WDR19: variants seen among roughly 807,000 people sequenced by gnomAD.
The protein encoded by WDR19 is WD repeat domain 19.
In WDR19, 121 loss-of-function variants were observed where a neutral mutation model predicts 180.0. That is an observed-to-expected ratio of 0.67 (90% CI 0.58 to 0.78). WDR19 has a LOEUF of 0.78. WDR19 is among the 30% of genes least tolerant of loss of function. The pLI is 0.00. For synonymous variants in WDR19, 497 were observed against 540.7 expected (o/e 0.92, Z 1.12); for missense variants, 1,450 against 1,640.7 (o/e 0.88, Z 2.01).
chr4:39,261,532 C>A (rs1228665979), intron 28 of WDR19, among the ~76,000 whole-genome samples: 3 of 152,166 alleles, frequency 2.0e-5, no homozygotes, highest in African/African-American at 7.2e-5. Flanking sequence ...GTTCAAGTGT[C>A]CATTGCAGGT....
chr4:39,228,645 C>A lies in WDR19; in HGVS notation c.1937C>A (p.Pro646His). The change falls in exon 17 of 37, where the codon CCT (proline) becomes CAT (histidine). Residue 646 changes from proline (P) to histidine (H), a missense_variant. Transcript: ENST00000399820. ...CTCAGCAACTTAAAAGATACGGGGC[C>A]TGACGAACTGAGACCAATGCTGGCA... ...GFLSNLKDTG[P>H]DELRPMLAQN... 1 of 1,610,842 alleles carries A rather than the reference C, an allele frequency of 6.2e-7. No homozygotes were observed. Among genetic ancestry groups the A allele is most frequent in the South Asian group, 1.1e-5 (1 of 90,192 alleles).
At chr4:39,276,245 T>C (rs1305874211) in intron 33 of WDR19, among the ~76,000 whole-genome samples, 2 of 151,958 alleles carry the variant, frequency 1.3e-5, no homozygotes, top group African/African-American at 4.8e-5. Flanking sequence ...TGGATGGGAG[T>C]ACATAGAATA....
At position 39,199,606 on chromosome 4, in the gene WDR19, C is replaced by T. The variant is rs374417243; in HGVS notation, c.522+13C>T. On this transcript the variant is annotated intron_variant, in intron 6 of 36. Coordinates refer to ENST00000399820, the MANE Select transcript of WDR19 (RefSeq NM_025132.4). ...CACGATAAGACAGGTAATACAGTAA[C>T]GTCTCTTTGGTCTGATATATTCAAG... The T allele has an allele frequency of 1.1e-4, 173 of 1,586,996 alleles. No homozygotes were observed. Among genetic ancestry groups the T allele is most frequent in the Non-Finnish European group, 1.4e-4 (160 of 1,156,596 alleles).
At chr4:39,206,708 C>T (rs2109303737) in intron 9 of WDR19, among the ~76,000 whole-genome samples, 1 of 152,208 alleles carries the variant, frequency 6.6e-6, no homozygotes, top group Non-Finnish European at 1.5e-5. Context: ...TACCAAAGAC[C>T]CTGTGAACTG....
chr4:39,215,741 A>C, intron 10 of WDR19, 100 bp from the exon 11 acceptor site: 1 of 1,255,254 alleles, frequency 8.0e-7, no homozygotes. Context: ...AAAATATTTG[A>C]AAATTGTTAT....
chr4:39,258,342 G>A (rs980783469), intron 28 of WDR19, among the ~76,000 whole-genome samples: 2 of 152,008 alleles, frequency 1.3e-5, no homozygotes, highest in Non-Finnish European at 2.9e-5. Context: ...TAGTAGAGAC[G>A]GGGTTTCACC....
intron 20 of WDR19, among the ~76,000 whole-genome samples, chr4:39,235,467 T>C (rs1382117920): frequency 6.6e-6 from 1 of 152,154 alleles, no homozygotes; most frequent in Non-Finnish European, 1.5e-5. Context: ...CATCAACAAC[T>C]ATGCATAGCA....
Position 39,266,089 on chromosome 4 carries a change from G to C in WDR19, c.3210G>C (p.Leu1070=), listed in dbSNP as rs766750418. The C allele has an allele frequency of 2.6e-6, 4 of 1,559,422 alleles. No individual in the cohort carries two copies. Among genetic ancestry groups the C allele is most frequent in the Non-Finnish European group, 3.5e-6 (4 of 1,151,216 alleles). Residue 1070 remains leucine (L), a synonymous_variant, in exon 29 of 37, where the codon CTG becomes CTC. Coordinates refer to ENST00000399820, the MANE Select transcript of WDR19 (RefSeq NM_025132.4). ...TTGGTCAGGCCAAAGATGAACTGCTGACCAATCAGCTGATAGACCATCTCC... is the reference window on the plus strand; with the variant it reads ...TTGGTCAGGCCAAAGATGAACTGCTCACCAATCAGCTGATAGACCATCTCC... ...ETVGQAKDEL[L]TNQLIDHLLG...
At chr4:39,187,374 T>C (rs1280596643) in intron 3 of WDR19, among the ~76,000 whole-genome samples, 2 of 148,690 alleles carry the variant, frequency 1.3e-5, no homozygotes, top group Non-Finnish European at 3.0e-5. Flanking sequence ...GAGCCGAGAT[T>C]GCGCTACTGT....
intron 25 of WDR19, 72 bp from the exon 26 acceptor site, chr4:39,253,834 C>T: frequency 7.5e-7 from 1 of 1,329,668 alleles, no homozygotes; most frequent in Non-Finnish European, 1.0e-6. Flanking sequence ...TAAATGGTTT[C>T]TCCTGGTTGA....
intron 1 of WDR19, among the ~76,000 whole-genome samples, chr4:39,184,314 G>A (rs1725284129): frequency 6.6e-6 from 1 of 151,830 alleles, no homozygotes; most frequent in Non-Finnish European, 1.5e-5. Context: ...GGAGGCTGAG[G>A]CAGGAGAATC....
intron 5 of WDR19, chr4:39,194,909 G>A: frequency 2.5e-6 from 1 of 406,854 alleles, no homozygotes; most frequent in Non-Finnish European, 4.4e-6. Flanking sequence ...GACATTAACA[G>A]CATGGCTTCC....
chr4:39,210,312 A>G (rs1015557820), intron 9 of WDR19, among the ~76,000 whole-genome samples: 1 of 152,268 alleles, frequency 6.6e-6, no homozygotes, highest in African/African-American at 2.4e-5. Flanking sequence ...AATGTATAAA[A>G]AGAATTATAC....
intron 30 of WDR19, 83 bp downstream of exon 30, chr4:39,268,174 G>T: frequency 8.2e-7 from 1 of 1,215,608 alleles, no homozygotes; most frequent in Non-Finnish European, 1.1e-6. Context: ...GGAAAGAGTA[G>T]CCCCTACGTT....
rs377060728 is a variant in WDR19, at chr4:39,254,016, A to G, written c.2987A>G (p.Tyr996Cys). ...CAGCAACACAACAAAATGGAAATCT[A>G]TGCAGATATTATTGGTAAATATCAT... The part of the protein sequence containing the change: ...LAQQHNKMEI[Y>C]ADIIGSEDTT... The change falls in exon 26 of 37, where the codon TAT becomes TGT. Residue 996 changes from tyrosine (Y) to cysteine (C), a missense_variant. Tyr to Cys is a radical substitution (Grantham distance 194). Transcript: ENST00000399820. 9.9e-6 allele frequency: 16 copies of G among 1,610,982 alleles called. No homozygotes were observed. The highest frequency in any genetic ancestry group is 1.0e-5 in the Non-Finnish European group (12 of 1,178,294).
At chr4:39,187,174 A>C (rs567643117) in intron 3 of WDR19, among the ~76,000 whole-genome samples, 1 of 152,176 alleles carries the variant, frequency 6.6e-6, no homozygotes, top group Non-Finnish European at 1.5e-5. Context: ...TAATCCCAGC[A>C]CTTTGGGAGG....
chr4:39,257,463 A>T lies in WDR19; in HGVS notation c.3115-23A>T, dbSNP rs542304551. 5.1e-6 allele frequency: 8 copies of T among 1,558,726 alleles called. No homozygotes were observed. The African/African-American group carries it at 1.1e-4, about 21-fold the overall frequency. On this transcript the variant is annotated intron_variant, in intron 27 of 36. Transcript: ENST00000399820. ...ATGTGAAAACATTCTGAAAATTTTT[A>T]ATTGCTGTAATTCGCTTTTCAGGCA...
Position 39,278,645 on chromosome 4 carries a change from C to T in WDR19, c.4024C>T (p.Leu1342=), listed in dbSNP as rs762026762. The change falls in exon 36 of 37, where the codon CTG becomes TTG. Residue 1342 remains leucine, a synonymous_variant. Transcript: ENST00000399820. ...CTQYLRTEEE[L] is the part of the protein sequence containing the mutation. ...CCAGTACCTGCGAACGGAGGAGGAACTGTGATTGGCACGTGCAGGTGAGTG... is the reference window on the plus strand; with the variant it reads ...CCAGTACCTGCGAACGGAGGAGGAATTGTGATTGGCACGTGCAGGTGAGTG... The T allele has an allele frequency of 2.5e-6, 4 of 1,610,220 alleles. No individual in the cohort carries two copies. In the South Asian group the frequency reaches 4.4e-5, roughly 18 times the overall value.
At chr4:39,240,419 A>G (rs1731813469) in intron 21 of WDR19, 85 bp downstream of exon 21, 2 of 764,936 alleles carry the variant, frequency 2.6e-6, no homozygotes, top group African/African-American at 3.7e-5. Context: ...TCTTATTTGT[A>G]TTGTATTTAA....
Sources: gnomAD v4.1 joint callset for allele counts (sites outside exome capture counted in the v4.1 genomes callset) on GRCh38, gnomAD v4.1.1 for gene constraint, MANE v1.5 for transcripts, NCBI Gene and HGNC (gene_info 2026-07-23, HGNC 2026-07-21) for gene names.